GNL3L: variants seen among roughly 807,000 people sequenced by gnomAD.
The protein encoded by GNL3L is G protein nucleolar 3 like.
Under a neutral mutation model 42.9 loss-of-function variants are expected in GNL3L, and 4 were observed. The observed-to-expected ratio is 0.09, with a 90% CI of 0.05 to 0.21. GNL3L has a LOEUF of 0.21. Among genes scored for constraint, GNL3L ranks in the 10% least tolerant of loss-of-function variants. The pLI is 1.00. For missense variants in GNL3L, 412 were observed against 481.7 expected, an observed-to-expected ratio of 0.86 and a Z score of 1.36; for synonymous variants, 159 against 176.3, an observed-to-expected ratio of 0.90 and a Z score of 0.78.
chrX:54,639,595 C>G, the GNL3L span, among the ~76,000 whole-genome samples: 1 of 111,961 alleles, frequency 8.9e-6, no homozygotes, highest in African/African-American at 3.2e-5. Context: ...TTGAGCTTTG[C>G]AGCTTTTCTT....
At chrX:54,542,739 T>C (rs916725568) in intron 5 of GNL3L, among the ~76,000 whole-genome samples, 2 of 111,739 alleles carry the variant, frequency 1.8e-5, no homozygotes, top group Non-Finnish European at 3.8e-5. Context: ...TCCTATTTCT[T>C]CACATCCTCT....
intron 16 of GNL3L, among the ~76,000 whole-genome samples, chrX:54,584,385 T>C (rs1389856319): frequency 9.0e-6 from 1 of 111,502 alleles, no homozygotes; most frequent in Non-Finnish European, 1.9e-5. Flanking sequence ...CATATATATG[T>C]GGTACATGTA....
At chrX:54,580,425 G>T (rs1925698921) in intron 16 of GNL3L, among the ~76,000 whole-genome samples, 1 of 110,690 alleles carries the variant, frequency 9.0e-6, no homozygotes, top group Admixed American at 9.7e-5. Context: ...TTGGTTCCAA[G>T]TCTGTGCTAT....
intron 14 of GNL3L, among the ~76,000 whole-genome samples, chrX:54,557,590 A>G (rs757306084): frequency 2.7e-5 from 3 of 109,820 alleles, no homozygotes; most frequent in Non-Finnish European, 5.7e-5. Flanking sequence ...ACCCCTCACC[A>G]TGCCTGGCTA....
intron 16 of GNL3L, among the ~76,000 whole-genome samples, chrX:54,614,185 A>G (rs1034765195): frequency 2.7e-5 from 3 of 110,479 alleles, no homozygotes; most frequent in Non-Finnish European, 5.7e-5. Flanking sequence ...TGAGTCATGC[A>G]GGTTGTCAGG....
intron 16 of GNL3L, among the ~76,000 whole-genome samples, chrX:54,573,471 C>T (rs751829846): frequency 4.5e-5 from 5 of 109,941 alleles, no homozygotes; most frequent in South Asian, 3.7e-4. Context: ...AGTCCAGCTT[C>T]GGCTGGGCAT....
intron 2 of GNL3L, among the ~76,000 whole-genome samples, chrX:54,538,066 A>T (rs1924495947): frequency 9.0e-6 from 1 of 110,999 alleles, no homozygotes; most frequent in Non-Finnish European, 1.9e-5. Context: ...AAAAATTTGT[A>T]TTTTTGTATA....
At chrX:54,569,250 A>T, downstream of GNL3L, among the ~76,000 whole-genome samples, 1 of 111,838 alleles carries the variant, frequency 8.9e-6, no homozygotes, top group East Asian at 2.8e-4. Context: ...TGGGTTGGGA[A>T]GTGTTTCCTG....
At chrX:54,552,762 A>G (rs929891475) in intron 13 of GNL3L, among the ~76,000 whole-genome samples, 1 of 111,642 alleles carries the variant, frequency 9.0e-6, no homozygotes, top group Admixed American at 9.5e-5. Context: ...AAACTCTCTA[A>G]TGTTGCCTTA....
Position 54,564,425 on chromosome X carries a change from G to A in GNL3L, c.*3823G>A, listed in dbSNP as rs1402112401. ...CTCTTTTTTTTTTTTTTTTTTTTGA[G>A]ACAGAGTCTAGCTCTGTTGTCCAGG... On this transcript the variant is annotated 3_prime_UTR_variant, in exon 16 of 16. Transcript: ENST00000360845. Among the ~76,000 whole-genome samples, 3 of 69,377 alleles carry A rather than the reference G, an allele frequency of 4.3e-5. No individual in the cohort carries two copies. The highest frequency in any genetic ancestry group is 2.5e-4 in the African/African-American group (3 of 12,208). The allele number at this position is 69,377 out of a possible 115,157, so 60.2% of individuals were successfully genotyped here. A position where few individuals can be genotyped will look rare whatever the true frequency, so the allele number is the denominator to read the frequency against.
At chrX:54,583,527 A>C (rs910549139) in intron 16 of GNL3L, among the ~76,000 whole-genome samples, 2 of 110,558 alleles carry the variant, frequency 1.8e-5, no homozygotes, top group Non-Finnish European at 3.8e-5. Context: ...CATTGATGTC[A>C]AGTCTAAGAA....
chrX:54,607,063 T>C (rs1417027184), intron 16 of GNL3L, among the ~76,000 whole-genome samples: 3 of 47,759 alleles, frequency 6.3e-5, no homozygotes, highest in African/African-American at 3.6e-4. Flanking sequence ...TTTCTTTCTT[T>C]CTTTCTTTCT....
Position 54,552,448 on chromosome X carries a change from G to A in GNL3L, c.1318+20G>A, listed in dbSNP as rs752569959. On this transcript the variant is annotated intron_variant, in intron 13 of 15. Transcript: ENST00000360845. ...TGGAATGTAAGTGTGGGCAGGGTGGGTGCACTTGGTCTTGCACTAGTGGGG... is the reference window on the plus strand; with the variant it reads ...TGGAATGTAAGTGTGGGCAGGGTGGATGCACTTGGTCTTGCACTAGTGGGG... 8.3e-7 allele frequency: 1 copy of A among 1,201,116 alleles called. No homozygotes were observed. Among genetic ancestry groups the A allele is most frequent in the Admixed American group, 2.2e-5 (1 of 45,855 alleles).
intron 16 of GNL3L, among the ~76,000 whole-genome samples, chrX:54,593,159 TCTC>T (rs1464463514): frequency 8.9e-6 from 1 of 111,983 alleles, no homozygotes; most frequent in Non-Finnish European, 1.9e-5. Flanking sequence ...GGAAGTATTT[TCTC>T]CTCCTCTATT....
At chrX:54,533,441 C>G (rs1924326905) in intron 2 of GNL3L, among the ~76,000 whole-genome samples, 1 of 110,386 alleles carries the variant, frequency 9.1e-6, no homozygotes, top group Non-Finnish European at 1.9e-5. Flanking sequence ...CACACTGGCA[C>G]TGGGCAGGCT....
chrX:54,552,423 T>C lies in GNL3L; in HGVS notation c.1313T>C (p.Met438Thr). ...EDTEQANEDT[M>T]ECLATGESDE... ...ACTGAGCAGGCCAATGAAGACACCA[T>C]GGAATGTAAGTGTGGGCAGGGTGGG... Residue 438 changes from methionine (M) to threonine (T), a missense_variant, in exon 13 of 16, where the codon ATG becomes ACG. Coordinates refer to ENST00000360845, the MANE Select transcript of GNL3L (RefSeq NM_001184819.2). 1 of 1,210,323 alleles carries C rather than the reference T, an allele frequency of 8.3e-7. No individual in the cohort carries two copies. The highest frequency in any genetic ancestry group is 1.1e-6 in the Non-Finnish European group (1 of 894,310).
chrX:54,612,560 G>C (rs781274281), intron 16 of GNL3L, among the ~76,000 whole-genome samples: 37 of 111,827 alleles, frequency 3.3e-4, no homozygotes, highest in African/African-American at 1.2e-3. Context: ...CTGTTTTGAT[G>C]TGTTCCCAGG....
At chrX:54,535,826 G>A (rs1350061070) in intron 2 of GNL3L, among the ~76,000 whole-genome samples, 1 of 111,481 alleles carries the variant, frequency 9.0e-6, no homozygotes, top group East Asian at 2.8e-4. Context: ...GTGCAGGTGT[G>A]ATCATGGCTC....
In GNL3L at chrX:54,562,926, CAAAGGAAG is replaced by C. The variant is rs1276969281; in HGVS notation, c.*2326_*2333del. Among the ~76,000 whole-genome samples, 1 of 111,388 alleles carries C rather than the reference CAAAGGAAG, an allele frequency of 9.0e-6. No individual in the cohort carries two copies. Among genetic ancestry groups the C allele is most frequent in the African/African-American group, 3.3e-5 (1 of 30,641 alleles). On this transcript the variant is annotated 3_prime_UTR_variant, in exon 16 of 16. Transcript: ENST00000360845. ...CCTCTATATTGTACTGCCTCCTTAA[CAAAGGAAG>C]ATTGATTAAGCCCCTACTTTGTGCC...
Sources: allele counts gnomAD v4.1 joint callset (sites outside exome capture counted in the v4.1 genomes callset), GRCh38; gene constraint gnomAD v4.1.1; transcripts MANE v1.5; gene names NCBI Gene and HGNC (gene_info 2026-07-23, HGNC 2026-07-21).